The following WDFY4 variants were observed in gnomAD, a reference collection of about 807,000 sequenced individuals.
WDFY4 encodes WD repeat- and FYVE domain-containing protein 4.
WDFY4 carries 169 observed loss-of-function variants against 351.9 expected under a neutral mutation model. The observed-to-expected ratio is 0.48, with a 90% confidence interval of 0.42 to 0.55. The LOEUF (loss-of-function observed/expected upper bound fraction) is 0.55. WDFY4 is among the 20% of genes least tolerant of loss of function. The pLI is 0.00. For synonymous variants in WDFY4, 1,622 were observed against 1,574.6 expected (o/e 1.03, Z -0.71); for missense variants, 3,803 against 3,935.6 (o/e 0.97, Z 0.90).
At chr10:48,799,554 C>T (rs930706973) in intron 24 of WDFY4, among the ~76,000 whole-genome samples, 3 of 152,104 alleles carry the variant, frequency 2.0e-5, no homozygotes, top group Non-Finnish European at 4.4e-5. Flanking sequence ...GCGGGTGGAT[C>T]GTGAGGTCAG....
Position 48,820,460 on chromosome 10 carries a change from G to C in WDFY4, c.5709+23G>C, listed in dbSNP as rs1158791867. On this transcript the variant is annotated intron_variant, in intron 33 of 61. Transcript: ENST00000325239. ...GAGGTGGGTTGGAAAAGGTGACATT[G>C]GGCCATGTGCTGTGGAGGCTGCCGG... 7.1e-6 allele frequency: 11 copies of C among 1,549,546 alleles called. No individual in the cohort carries two copies. The African/African-American group carries it at 1.5e-4, about 21-fold the overall frequency.
At chr10:48,950,996 T>C (rs1304698793) in intron 51 of WDFY4, among the ~76,000 whole-genome samples, 4 of 152,178 alleles carry the variant, frequency 2.6e-5, no homozygotes, top group Non-Finnish European at 4.4e-5. Flanking sequence ...AGGCATGGAG[T>C]TCTCTGGGCA....
At chr10:48,757,945 A>G (rs551364636) in intron 12 of WDFY4, among the ~76,000 whole-genome samples, 16 of 152,230 alleles carry the variant, frequency 1.1e-4, no homozygotes, top group Admixed American at 9.8e-4. Context: ...ATACAATGTC[A>G]CTTTCAACCA....
chr10:48,735,841 C>A, intron 10 of WDFY4, 39 bp from the exon 11 acceptor site: 3 of 1,479,078 alleles, frequency 2.0e-6, no homozygotes, highest in Non-Finnish European at 9.2e-7. Context: ...GGCAAGCTTC[C>A]CCCTTGCCCT....
rs771339557 is a variant in WDFY4 at position 48,953,333 on chromosome 10, T to TCTCTCTCTCTCTCACACA, written c.7978-3795_7978-3794insTCTCTCTCTCTCACACAC. Reference sequence around the variant, plus strand: ...CTCTCTCTCTCTCTCTCTCTCTCTCTCACACACACACACACACACACACAC... The same window carrying TCTCTCTCTCTCTCACACA: ...CTCTCTCTCTCTCTCTCTCTCTCTCTCTCTCTCTCTCTCACACACACACACACACACACACACACACAC... On this transcript the variant is annotated intron_variant, in intron 51 of 61. Transcript: ENST00000325239. Among the ~76,000 whole-genome samples the TCTCTCTCTCTCTCACACA allele has an allele frequency of 2.6e-3, 327 of 128,202 alleles. 1 individual carries two copies. The highest frequency in any genetic ancestry group is 4.1e-3 in the Middle Eastern group (1 of 244). The allele number at this position is 128,202 out of a possible 152,430, so 84.1% of individuals were successfully genotyped here. A position where few individuals can be genotyped will look rare whatever the true frequency, so the allele number is the denominator to read the frequency against.
At chr10:48,785,114 C>A (rs954679909) in intron 19 of WDFY4, among the ~76,000 whole-genome samples, 1 of 152,070 alleles carries the variant, frequency 6.6e-6, no homozygotes, top group African/African-American at 2.4e-5. Context: ...CCTGCCTCGG[C>A]CTCCCAAAGT....
Position 48,941,937 on chromosome 10 carries a change from C to T in WDFY4, c.7629+89C>T. On this transcript the variant is annotated intron_variant, in intron 48 of 61. Coordinates refer to ENST00000325239, the MANE Select transcript of WDFY4 (RefSeq NM_001394531.1). ...AGCGATGGAGAGGAAGTGTGTGGAT[C>T]AACCAAGAAGGGATCTTATTATTTA... 2 of 1,280,554 alleles carry T rather than the reference C, an allele frequency of 1.6e-6. 1 individual carries two copies. Among genetic ancestry groups the T allele is most frequent in the South Asian group, 2.6e-5 (2 of 78,324 alleles). 79.3% of individuals were successfully genotyped at this position (1,280,554 alleles called of 1,614,324 possible). A position where few individuals can be genotyped will look rare whatever the true frequency, so the allele number is the denominator to read the frequency against.
intron 1 of WDFY4, among the ~76,000 whole-genome samples, chr10:48,692,597 T>C (rs2063224065): frequency 1.3e-5 from 2 of 152,352 alleles, no homozygotes; most frequent in East Asian, 3.9e-4. Flanking sequence ...AGAGAGCGTA[T>C]TCATGAATAA....
chr10:48,942,406 A>G (rs1272760626), intron 48 of WDFY4, among the ~76,000 whole-genome samples: 1 of 151,590 alleles, frequency 6.6e-6, no homozygotes, highest in Non-Finnish European at 1.5e-5. Context: ...GCGCACGCGC[A>G]TGTGCATGTA....
chr10:48,934,517 TGAG>T (rs1840233090), intron 47 of WDFY4, among the ~76,000 whole-genome samples: 3 of 152,194 alleles, frequency 2.0e-5, no homozygotes, highest in African/African-American at 7.2e-5. Context: ...AGTTGGGTCT[TGAG>T]GAGTGTGTTC....
chr10:48,877,718 A>T (rs1564441732), intron 43 of WDFY4, among the ~76,000 whole-genome samples: 1 of 152,196 alleles, frequency 6.6e-6, no homozygotes, highest in East Asian at 1.9e-4. Flanking sequence ...AGCCTTCAAA[A>T]GGGTGGCTCT....
chr10:48,943,359 C>T lies in WDFY4; in HGVS notation c.7659C>T (p.Leu2553=). The T allele has an allele frequency of 6.4e-7, 1 of 1,551,760 alleles. No homozygotes were observed. The highest frequency in any genetic ancestry group is 8.7e-7 in the Non-Finnish European group (1 of 1,146,982). Reference sequence around the variant, plus strand: ...GGGACATCAGCAATTTTGAGTATCTCATGTACCTCAACACCGCGGCTGGGA... The same window carrying T: ...GGGACATCAGCAATTTTGAGTATCTTATGTACCTCAACACCGCGGCTGGGA... ...QKRDISNFEY[L]MYLNTAAGRT... The change falls in exon 49 of 62, where the codon CTC becomes CTT. Residue 2553 remains leucine, a synonymous_variant. Transcript: ENST00000325239.
chr10:48,810,685 G>C lies in WDFY4; in HGVS notation c.4994G>C (p.Cys1665Ser). The change falls in exon 29 of 62, where the codon TGT (cysteine) becomes TCT (serine). Residue 1665 changes from cysteine (C) to serine (S), a missense_variant. By Grantham distance (112) the Cys-to-Ser change is moderately radical. Transcript: ENST00000325239. ...CGCACACGGTTTAGAGATGGCCTGTGTGCAGGATCCTGGGTGGAACGCAGC... is the reference window on the plus strand; with the variant it reads ...CGCACACGGTTTAGAGATGGCCTGTCTGCAGGATCCTGGGTGGAACGCAGC... ...SLRTRFRDGL[C>S]AGSWVERSTE... 1 of 1,551,234 alleles carries C rather than the reference G, an allele frequency of 6.4e-7. No individual in the cohort carries two copies. The highest frequency in any genetic ancestry group is 8.7e-7 in the Non-Finnish European group (1 of 1,146,826).
intron 47 of WDFY4, among the ~76,000 whole-genome samples, chr10:48,941,034 C>G (rs1328661349): frequency 1.3e-5 from 2 of 152,290 alleles, no homozygotes; most frequent in East Asian, 3.9e-4. Flanking sequence ...AGCACCACAG[C>G]TACTCACAGA....
intron 48 of WDFY4, 76 bp downstream of exon 48, chr10:48,941,924 G>A: frequency 1.5e-6 from 2 of 1,372,684 alleles, no homozygotes; most frequent in Non-Finnish European, 2.0e-6. Flanking sequence ...CGATGGAGAG[G>A]AAGTGTGTGG....
At chr10:48,924,644 A>T (rs1331239427) in intron 47 of WDFY4, among the ~76,000 whole-genome samples, 1 of 152,208 alleles carries the variant, frequency 6.6e-6, no homozygotes, top group African/African-American at 2.4e-5. Context: ...CTTTGGAAAA[A>T]GTGGCCCAGT....
chr10:48,776,345 G>A (rs1188168353), intron 15 of WDFY4, among the ~76,000 whole-genome samples: 1 of 152,220 alleles, frequency 6.6e-6, no homozygotes, highest in Non-Finnish European at 1.5e-5. Flanking sequence ...TCAGGCTTGG[G>A]GCTGACAGCT....
chr10:48,731,309 A>C lies in WDFY4; in HGVS notation c.1329A>C (p.Pro443=). The C allele has an allele frequency of 7.7e-6, 12 of 1,551,872 alleles. No homozygotes were observed. Among genetic ancestry groups the C allele is most frequent in the Non-Finnish European group, 1.0e-5 (12 of 1,147,020 alleles). The change falls in exon 9 of 62, where the codon CCA becomes CCC. Residue 443 remains proline (P), a synonymous_variant. Coordinates refer to ENST00000325239, the MANE Select transcript of WDFY4 (RefSeq NM_001394531.1). ...FVEIMPLKPA[P]VQEHFFQLLE... ...AGATCATGCCCCTGAAGCCGGCCCC[A>C]GTGCAGGAACACTTCTTCCAGCTTC... is the stretch of plus-strand genomic sequence containing the variant.
chr10:48,915,574 A>G (rs768607427), intron 47 of WDFY4, among the ~76,000 whole-genome samples: 1 of 152,140 alleles, frequency 6.6e-6, no homozygotes, highest in Non-Finnish European at 1.5e-5. Flanking sequence ...ACCCAAGTTG[A>G]TATAGCACAT....
Sources: allele counts gnomAD v4.1 joint callset (sites outside exome capture counted in the v4.1 genomes callset), GRCh38; gene constraint gnomAD v4.1.1; transcripts MANE v1.5; gene names NCBI Gene and HGNC (gene_info 2026-07-23, HGNC 2026-07-21).